The following PAICS variants were observed in gnomAD, a reference collection of about 807,000 sequenced individuals.
PAICS encodes phosphoribosylaminoimidazole carboxylase and phosphoribosylaminoimidazolesuccinocarboxamide synthase.
In PAICS, 33 loss-of-function variants were observed where a neutral mutation model predicts 53.7. That is an observed-to-expected ratio of 0.61 (90% CI 0.47 to 0.82). PAICS has a LOEUF of 0.82. Among genes scored for constraint, PAICS ranks in the 40% least tolerant of loss-of-function variants. PAICS has a pLI of 0.00. For synonymous variants in PAICS, 141 were observed against 167.2 expected (o/e 0.84, Z 1.21); for missense variants, 394 against 494.1 (o/e 0.80, Z 1.92).
In PAICS at chr4:56,457,736, G is replaced by A. The variant is rs796741204; in HGVS notation, c.1112-1636G>A. 2.0e-4 allele frequency among the ~76,000 whole-genome samples: 29 copies of A among 143,582 alleles called. No individual in the cohort carries two copies. In the East Asian group the frequency reaches 4.3e-3, roughly 21 times the overall value. 94.2% of individuals were successfully genotyped at this position (143,582 alleles called of 152,430 possible). ...GCTAGAATGCAATGGCGCAACCTCC[G>A]CCTCCCAGGTTCAAGCGATTCTCCT... On this transcript the variant is annotated intron_variant, in intron 8 of 8. Coordinates refer to ENST00000512576, the MANE Select transcript of PAICS (RefSeq NM_001079524.2).
chr4:56,424,213 C>A, the PAICS span, among the ~76,000 whole-genome samples: 12 of 152,200 alleles, frequency 7.9e-5, no homozygotes, highest in African/African-American at 2.9e-4. Context: ...AAGCCATAAG[C>A]TTTTCTTTAC....
At chr4:56,436,722 T>C (rs1217309782) in intron 1 of PAICS, among the ~76,000 whole-genome samples, 1 of 152,220 alleles carries the variant, frequency 6.6e-6, no homozygotes, top group Non-Finnish European at 1.5e-5. Flanking sequence ...AGGCCGGGCC[T>C]GGTGGCTCAC....
chr4:56,423,171 T>C, the PAICS span: 11 of 152,234 alleles, frequency 7.2e-5, no homozygotes, highest in Admixed American at 3.9e-4. Flanking sequence ...CAAAGCTTCA[T>C]ATAACTTCAC....
the PAICS span, among the ~76,000 whole-genome samples, chr4:56,429,339 G>A: frequency 6.6e-6 from 1 of 152,074 alleles, no homozygotes; most frequent in Non-Finnish European, 1.5e-5. Context: ...TGCAATTATT[G>A]TTATCAGATG....
At chr4:56,455,460 C>T (rs760602105) in intron 8 of PAICS, among the ~76,000 whole-genome samples, 16 of 152,100 alleles carry the variant, frequency 1.1e-4, no homozygotes, top group Admixed American at 2.0e-4. Flanking sequence ...TCTTAGGATC[C>T]CCCTTTACCA....
intron 1 of PAICS, 37 bp downstream of exon 1, chr4:56,436,365 T>C: frequency 1.4e-6 from 2 of 1,468,520 alleles, no homozygotes; most frequent in Non-Finnish European, 9.4e-7. Flanking sequence ...ACGGTCTCCC[T>C]GACCCCCAGG....
chr4:56,438,463 G>C (rs1393965913), intron 1 of PAICS, among the ~76,000 whole-genome samples: 2 of 141,146 alleles, frequency 1.4e-5, no homozygotes, highest in Non-Finnish European at 3.1e-5. Flanking sequence ...ATGGAGTCTC[G>C]CTCTGTGTGG....
At chr4:56,440,076 A>G (rs1349902261) in intron 1 of PAICS, among the ~76,000 whole-genome samples, 1 of 152,226 alleles carries the variant, frequency 6.6e-6, no homozygotes, top group African/African-American at 2.4e-5. Context: ...TAAAAGCCTT[A>G]TAGCTCTTCT....
At chr4:56,421,720 A>G in the PAICS span, 1 of 152,362 alleles carries the variant, frequency 6.6e-6, no homozygotes, top group East Asian at 1.9e-4. Context: ...CTGGTATGCT[A>G]GAGAACTATA....
intron 1 of PAICS, among the ~76,000 whole-genome samples, chr4:56,441,379 TC>T (rs1476588063): frequency 2.0e-5 from 3 of 152,094 alleles, no homozygotes; most frequent in Non-Finnish European, 4.4e-5. Context: ...TAGGATTTTA[TC>T]TACCTCTTAT....
intron 1 of PAICS, among the ~76,000 whole-genome samples, chr4:56,439,141 A>T (rs577741055): frequency 6.6e-6 from 1 of 152,302 alleles, no homozygotes; most frequent in African/African-American, 2.4e-5. Context: ...CAACTAAATT[A>T]AGGGGAGGGG....
At chr4:56,450,347 T>G (rs1003466723) in intron 5 of PAICS, among the ~76,000 whole-genome samples, 12 of 152,122 alleles carry the variant, frequency 7.9e-5, no homozygotes, top group Non-Finnish European at 4.4e-5. Context: ...GAAAACAAAA[T>G]TAGAGCAAGA....
the PAICS span, chr4:56,420,294 T>A: frequency 1.3e-5 from 2 of 152,324 alleles, no homozygotes; most frequent in Non-Finnish European, 2.9e-5. Context: ...ATTTTGTGCA[T>A]GAAACAAAGT....
At chr4:56,433,389 G>A (rs1227379505), upstream of PAICS, among the ~76,000 whole-genome samples, 1 of 129,684 alleles carries the variant, frequency 7.7e-6, no homozygotes, top group South Asian at 2.6e-4. Flanking sequence ...GAATCAAATG[G>A]TATTCATTAA....
the PAICS span, among the ~76,000 whole-genome samples, chr4:56,415,407 A>G: frequency 2.6e-5 from 4 of 152,216 alleles, no homozygotes; most frequent in African/African-American, 9.6e-5. Flanking sequence ...GATGTACTTC[A>G]TCCTCCTCAT....
At chr4:56,439,151 G>T (rs1180057329) in intron 1 of PAICS, among the ~76,000 whole-genome samples, 1 of 152,084 alleles carries the variant, frequency 6.6e-6, no homozygotes, top group Non-Finnish European at 1.5e-5. Flanking sequence ...AAGGGGAGGG[G>T]CATTAGATAC....
the PAICS span, among the ~76,000 whole-genome samples, chr4:56,418,513 T>A: frequency 7.4e-4 from 113 of 151,854 alleles, no homozygotes; most frequent in African/African-American, 2.7e-3. Context: ...TAGATACAGG[T>A]TTTGCCCTGT....
chr4:56,446,666 C>T, intron 2 of PAICS, 29 bp from the exon 3 acceptor site: 1 of 1,439,472 alleles, frequency 6.9e-7, no homozygotes, highest in Non-Finnish European at 9.5e-7. Context: ...ATTTCAATAC[C>T]TTTTTTAACT....
chr4:56,459,311 A>C, intron 8 of PAICS, 61 bp from the exon 9 acceptor site: 1 of 1,228,510 alleles, frequency 8.1e-7, no homozygotes, highest in East Asian at 2.4e-5. Context: ...ATTTTTTGTA[A>C]GGTTGTATTT....
Sources: gnomAD v4.1 joint callset for allele counts (sites outside exome capture counted in the v4.1 genomes callset) on GRCh38, gnomAD v4.1.1 for gene constraint, MANE v1.5 for transcripts, NCBI Gene and HGNC (gene_info 2026-07-23, HGNC 2026-07-21) for gene names.